The following TMTC2 variants were observed in gnomAD, a reference collection of about 807,000 sequenced individuals.
TMTC2 encodes the protein transmembrane O-mannosyltransferase targeting cadherins 2, also known as protein O-mannosyl-transferase TMTC2.
A neutral mutation model predicts 82.4 loss-of-function variants in TMTC2; 43 were observed. The observed-to-expected ratio is 0.52, with a 90% CI of 0.41 to 0.67. The LOEUF (loss-of-function observed/expected upper bound fraction) is 0.67. Among genes scored for constraint, TMTC2 ranks in the 30% least tolerant of loss-of-function variants. The probability of loss-of-function intolerance (pLI) is 0.00; values close to 1 mark genes in which losing one functional copy is unlikely to be tolerated. For synonymous variants in TMTC2, 408 were observed against 381.9 expected, an observed-to-expected ratio of 1.07 and a Z score of -0.80; for missense variants, 919 against 1,012.4, an observed-to-expected ratio of 0.91 and a Z score of 1.25.
intron 1 of TMTC2, among the ~76,000 whole-genome samples, chr12:82,704,643 T>C (rs2136903683): frequency 6.6e-6 from 1 of 152,186 alleles, no homozygotes; most frequent in East Asian, 1.9e-4. Context: ...GAATCTTTTT[T>C]TTTTTTGGTA....
At chr12:82,821,888 C>CAAAAAAA (rs59861216) in intron 1 of TMTC2, among the ~76,000 whole-genome samples, 1 of 69,406 alleles carries the variant, frequency 1.4e-5, no homozygotes, top group African/African-American at 4.2e-5. Flanking sequence ...GACTCCGTCT[C>CAAAAAAA]AAAAAAAAAA....
chr12:83,100,311 A>T (rs1884174841), intron 11 of TMTC2, among the ~76,000 whole-genome samples: 1 of 151,960 alleles, frequency 6.6e-6, no homozygotes, highest in Admixed American at 6.6e-5. Context: ...TCTATTACTT[A>T]TTCCCCATAA....
intron 9 of TMTC2, among the ~76,000 whole-genome samples, chr12:83,043,929 G>A (rs547596126): frequency 1.2e-4 from 19 of 152,214 alleles, no homozygotes; most frequent in South Asian, 6.2e-4. Context: ...GAATTGTTCC[G>A]AAATTAAAAT....
At chr12:82,877,881 A>G (rs1158614659) in intron 2 of TMTC2, among the ~76,000 whole-genome samples, 1 of 152,228 alleles carries the variant, frequency 6.6e-6, no homozygotes, top group Non-Finnish European at 1.5e-5. Context: ...GGACACCGAC[A>G]TGAAATGTGT....
chr12:82,767,339 C>CT (rs1592505060), intron 1 of TMTC2, among the ~76,000 whole-genome samples: 1 of 152,150 alleles, frequency 6.6e-6, no homozygotes, highest in East Asian at 1.9e-4. Context: ...AATCCCAGCA[C>CT]TTTGAGAGGC....
rs116647445 is a variant in TMTC2, at chr12:83,031,313, T to C, written c.2152+434T>C. Among the ~76,000 whole-genome samples, 276 of 152,340 alleles carry C rather than the reference T, an allele frequency of 1.8e-3. 1 individual carries two copies. The highest frequency in any genetic ancestry group is 5.9e-3 in the African/African-American group (247 of 41,570). On this transcript the variant is annotated intron_variant, in intron 9 of 11. Transcript: ENST00000321196. ...CAAAAGTCTTGCTTTCTGGAAGATA[T>C]GGATGTACACTAGCCTGTAAATGCC...
intron 7 of TMTC2, among the ~76,000 whole-genome samples, chr12:82,984,445 A>G (rs955038172): frequency 2.0e-5 from 3 of 152,312 alleles, no homozygotes; most frequent in Middle Eastern, 3.4e-3. Context: ...TCGTATTTAC[A>G]ATGCCATAGT....
intron 11 of TMTC2, among the ~76,000 whole-genome samples, chr12:83,131,081 AT>A (rs1482531281): frequency 6.6e-6 from 1 of 152,250 alleles, no homozygotes; most frequent in Admixed American, 6.5e-5. Flanking sequence ...CTTAAAAATA[AT>A]TGTGATTTCG....
intron 11 of TMTC2, among the ~76,000 whole-genome samples, chr12:83,066,499 T>C (rs1882921238): frequency 6.6e-6 from 1 of 151,972 alleles, no homozygotes; most frequent in Non-Finnish European, 1.5e-5. Flanking sequence ...TAAAATGTTA[T>C]TAAGCAAAGT....
chr12:82,932,834 C>A (rs1278709375), intron 4 of TMTC2, among the ~76,000 whole-genome samples: 1 of 152,116 alleles, frequency 6.6e-6, no homozygotes, highest in Non-Finnish European at 1.5e-5. Context: ...CTTTGTGATA[C>A]CTGTTGGACA....
intron 10 of TMTC2, among the ~76,000 whole-genome samples, chr12:83,055,007 T>G (rs1177264665): frequency 6.6e-6 from 1 of 152,092 alleles, no homozygotes; most frequent in African/African-American, 2.4e-5. Flanking sequence ...GGAGCTCTAC[T>G]CTACACAGCT....
At chr12:83,061,623 A>G (rs1442791742) in intron 10 of TMTC2, 145 bp from the exon 11 acceptor site, 7 of 576,640 alleles carry the variant, frequency 1.2e-5, no homozygotes, top group African/African-American at 5.9e-5. Context: ...CAAACACTCA[A>G]TTTTTAAGTC....
chr12:83,069,777 G>T (rs989059341), intron 11 of TMTC2, among the ~76,000 whole-genome samples: 1 of 146,458 alleles, frequency 6.8e-6, no homozygotes, highest in Non-Finnish European at 1.5e-5. Context: ...GCCTAGAAGG[G>T]TTTTTTTTTT....
At chr12:82,848,436 A>G (rs1870803331) in intron 1 of TMTC2, among the ~76,000 whole-genome samples, 1 of 152,110 alleles carries the variant, frequency 6.6e-6, no homozygotes, top group Admixed American at 6.6e-5. Context: ...CATTATTTGT[A>G]TTAGATAGTA....
rs1440236470 is a variant in TMTC2, at chr12:83,066,489, TA to T, written c.2331+4662del. On this transcript the variant is annotated intron_variant, in intron 11 of 11. Transcript: ENST00000321196. The stretch of plus-strand genomic sequence containing the variant: ...TACTAAAAATGTGGAGTTTGTATTT[TA>T]AAATGTTATTAAGCAAAGTGACATA... Among the ~76,000 whole-genome samples the T allele has an allele frequency of 2.6e-5, 4 of 152,048 alleles. No homozygotes were observed. In the East Asian group the frequency reaches 5.8e-4, roughly 22 times the overall value.
chr12:82,940,014 C>CTTTTTTT (rs71309537), intron 4 of TMTC2, among the ~76,000 whole-genome samples: 27 of 91,254 alleles, frequency 3.0e-4, no homozygotes, highest in Non-Finnish European at 4.3e-4. Flanking sequence ...TCTTTCTTTA[C>CTTTTTTT]TTTTTTTTTT....
intron 1 of TMTC2, among the ~76,000 whole-genome samples, chr12:82,695,364 G>A (rs1026917379): frequency 1.3e-5 from 2 of 152,116 alleles, no homozygotes; most frequent in Non-Finnish European, 2.9e-5. Flanking sequence ...CTGAAAGGAT[G>A]CAAACTATTC....
At chr12:82,892,899 G>A (rs1001546182) in intron 2 of TMTC2, among the ~76,000 whole-genome samples, 4 of 152,126 alleles carry the variant, frequency 2.6e-5, no homozygotes, top group African/African-American at 9.7e-5. Flanking sequence ...TCAATTATGT[G>A]ATTGATCCGA....
intron 2 of TMTC2, among the ~76,000 whole-genome samples, chr12:82,861,335 T>G (rs1313973571): frequency 2.0e-5 from 3 of 152,186 alleles, no homozygotes; most frequent in Non-Finnish European, 2.9e-5. Context: ...CCGGATGTAG[T>G]GATCAGACCA....
Sources: allele counts gnomAD v4.1 joint callset (sites outside exome capture counted in the v4.1 genomes callset), GRCh38; gene constraint gnomAD v4.1.1; transcripts MANE v1.5; gene names NCBI Gene and HGNC (gene_info 2026-07-23, HGNC 2026-07-21).